CRB2: variants seen among roughly 807,000 people sequenced by gnomAD.
CRB2 encodes protein crumbs homolog 2.
CRB2 carries 85 observed loss-of-function variants against 110.9 expected under a neutral mutation model. The observed-to-expected ratio is 0.77, with a 90% confidence interval of 0.64 to 0.92. CRB2 has a LOEUF of 0.92. Among genes scored for constraint, CRB2 ranks in the 40% least tolerant of loss-of-function variants. The pLI, the probability that CRB2 is intolerant of heterozygous loss-of-function variation, is 0.00. For missense variants in CRB2, 1,843 were observed against 1,851.3 expected (o/e 1.00, Z 0.08); for synonymous variants, 907 against 831.0 (o/e 1.09, Z -1.57).
intron 6 of CRB2, chr9:123,368,849 C>T: frequency 7.9e-7 from 1 of 1,257,960 alleles, no homozygotes; most frequent in Non-Finnish European, 1.0e-6. Flanking sequence ...ACTTCCCCAG[C>T]CTCAGTGCCC....
chr9:123,370,218 G>T lies in CRB2; in HGVS notation c.1165G>T (p.Gly389Cys). Reference sequence around the variant, plus strand: ...TATCTGCAGGTGCCCAGAGACCTGGGGTGGGCGCGACTGTTCTGTGCAGCT... The same window carrying T: ...TATCTGCAGGTGCCCAGAGACCTGGTGTGGGCGCGACTGTTCTGTGCAGCT... ...GYICRCPETW[G>C]GRDCSVQLTG... The change falls in exon 7 of 13, where the codon GGT becomes TGT. Residue 389 changes from glycine (G) to cysteine (C), a missense_variant. Gly to Cys is a radical substitution (Grantham distance 159, BLOSUM62 -3). Coordinates refer to ENST00000373631, the MANE Select transcript of CRB2 (RefSeq NM_173689.7). 1.2e-6 allele frequency: 2 copies of T among 1,613,156 alleles called. No homozygotes were observed. The highest frequency in any genetic ancestry group is 1.7e-6 in the Non-Finnish European group (2 of 1,179,982).
At chr9:123,364,013 C>T (rs2132748541) in intron 2 of CRB2, among the ~76,000 whole-genome samples, 1 of 152,294 alleles carries the variant, frequency 6.6e-6, no homozygotes, top group Non-Finnish European at 1.5e-5. Context: ...GACAACTGTA[C>T]TCTGAGGGCA....
chr9:123,361,535 G>T (rs1186436153), intron 1 of CRB2, among the ~76,000 whole-genome samples: 3 of 151,132 alleles, frequency 2.0e-5, no homozygotes, highest in Non-Finnish European at 2.9e-5. Flanking sequence ...TGCAGGGTCT[G>T]AGCTGTTCTG....
chr9:123,366,166 G>A, intron 3 of CRB2, 54 bp downstream of exon 3: 1 of 1,378,680 alleles, frequency 7.3e-7, no homozygotes, highest in Non-Finnish European at 9.3e-7. Flanking sequence ...AGGGCGGGGA[G>A]GCCAGGCGCG....
At position 123,377,366 on chromosome 9, in the gene CRB2, G is replaced by A. The variant is rs941164971; in HGVS notation, c.*304G>A. 1 of 347,996 alleles carries A rather than the reference G, an allele frequency of 2.9e-6. No homozygotes were observed. The highest frequency in any genetic ancestry group is 6.8e-5 in the South Asian group (1 of 14,754). The allele number at this position is 347,996 out of a possible 1,614,324, so 21.6% of individuals were successfully genotyped here. A position where few individuals can be genotyped will look rare whatever the true frequency, so the allele number is the denominator to read the frequency against. Reference sequence around the variant, plus strand: ...TGTTCAGGAGTGTGTGTATCTGGAGGAGTGTGTGTGTGAGTGTGTACCTGG... The same window carrying A: ...TGTTCAGGAGTGTGTGTATCTGGAGAAGTGTGTGTGTGAGTGTGTACCTGG... On this transcript the variant is annotated 3_prime_UTR_variant, in exon 13 of 13. Transcript: ENST00000373631.
chr9:123,370,181 T>C lies in CRB2; in HGVS notation c.1128T>C (p.Thr376=), dbSNP rs777045044. The C allele has an allele frequency of 2.4e-5, 39 of 1,612,232 alleles. No individual in the cohort carries two copies. Among genetic ancestry groups the C allele is most frequent in the Admixed American group, 1.3e-4 (8 of 59,986 alleles). Residue 376 remains threonine (T), a synonymous_variant, in exon 7 of 13, where the codon ACT becomes ACC. Coordinates refer to ENST00000373631, the MANE Select transcript of CRB2 (RefSeq NM_173689.7). The part of the protein sequence containing the change: ...PCLHGGTCSD[T]VAGYICRCPE... ...TGCACGGCGGAACCTGCAGTGACACTGTGGCAGGCTATATCTGCAGGTGCC... is the reference window on the plus strand; with the variant it reads ...TGCACGGCGGAACCTGCAGTGACACCGTGGCAGGCTATATCTGCAGGTGCC...
intron 1 of CRB2, among the ~76,000 whole-genome samples, chr9:123,359,037 A>C (rs1426003224): frequency 6.6e-6 from 1 of 152,158 alleles, no homozygotes; most frequent in African/African-American, 2.4e-5. Context: ...CTCTGAGCCC[A>C]AACTCTCAAG....
intron 1 of CRB2, among the ~76,000 whole-genome samples, chr9:123,359,003 AG>A (rs976032450): frequency 9.2e-5 from 14 of 152,178 alleles, no homozygotes; most frequent in Non-Finnish European, 1.5e-4. Flanking sequence ...CCCTCACTTC[AG>A]GAGGTAACTC....
rs762397537 is a variant in CRB2 at position 123,373,192 on chromosome 9, G to GC, written c.2661_2662insC (p.Ser888LeufsTer105). 3.3e-5 allele frequency: 50 copies of GC among 1,514,142 alleles called. No homozygotes were observed. The highest frequency in any genetic ancestry group is 2.9e-5 in the African/African-American group (2 of 69,796). 93.8% of individuals were successfully genotyped at this position (1,514,142 alleles called of 1,614,324 possible). On this transcript the variant is annotated frameshift_variant, in exon 10 of 13. Coordinates refer to ENST00000373631, the MANE Select transcript of CRB2 (RefSeq NM_173689.7). LOFTEE classifies it high-confidence loss of function. The stretch of plus-strand genomic sequence containing the variant: ...CCGCCGCGTTCAGCGGGCACAACGC[G>GC]TCGTCAGGGCGCTTGCTCGGCGGCC...
chr9:123,374,114 G>A, intron 10 of CRB2, 194 bp downstream of exon 10: 4 of 846,432 alleles, frequency 4.7e-6, no homozygotes, highest in Non-Finnish European at 7.6e-6. Context: ...AGTTAGCCTG[G>A]AATTTCAGAT....
At chr9:123,359,445 T>TG (rs1337604187) in intron 1 of CRB2, among the ~76,000 whole-genome samples, 11 of 122,296 alleles carry the variant, frequency 9.0e-5, no homozygotes, top group African/African-American at 4.0e-4. Context: ...TGTTTTGTTT[T>TG]TTTTTTTTTT....
At chr9:123,368,700 C>T (rs2041970452) in intron 6 of CRB2, 2 of 968,060 alleles carry the variant, frequency 2.1e-6, no homozygotes, top group Non-Finnish European at 2.5e-6. Context: ...GAGGGGGGAC[C>T]CCAGCTGCAG....
chr9:123,375,934 A>G (rs187745588), intron 12 of CRB2, among the ~76,000 whole-genome samples: 1 of 152,116 alleles, frequency 6.6e-6, no homozygotes, highest in African/African-American at 2.4e-5. Context: ...TGGCGAGGAG[A>G]GGCTTGGAAG....
At position 123,373,326 on chromosome 9, in the gene CRB2, G is replaced by C. The variant is rs1430283410; in HGVS notation, c.2795G>C (p.Gly932Ala). 4 of 1,446,994 alleles carry C rather than the reference G, an allele frequency of 2.8e-6. No homozygotes were observed. In the African/African-American group the frequency reaches 4.5e-5, roughly 16 times the overall value. 89.6% of individuals were successfully genotyped at this position (1,446,994 alleles called of 1,614,324 possible). The change falls in exon 10 of 13, where the codon GGC (glycine) becomes GCC (alanine). Residue 932 changes from glycine (G) to alanine (A), a missense_variant. By Grantham distance (60) the Gly-to-Ala change is moderately conservative (BLOSUM62 0). Coordinates refer to ENST00000373631, the MANE Select transcript of CRB2 (RefSeq NM_173689.7). ...GTGCGCAATGGCTCGCTGGCGGGGG[G>C]CGTGCGCGGAGGCCATGGCCTGCCC... ...LAVRNGSLAGGVRGGHGLPGA... is the reference protein window; with the variant it reads ...LAVRNGSLAGAVRGGHGLPGA...
rs1408107720 is a variant in CRB2 at position 123,363,116 on chromosome 9, C to T, written c.346C>T (p.Pro116Ser). The T allele has an allele frequency of 6.2e-7, 1 of 1,610,900 alleles. No individual in the cohort carries two copies. The change falls in exon 2 of 13, where the codon CCG becomes TCG. Residue 116 changes from proline (P) to serine (S), a missense_variant. Pro to Ser is a moderately conservative substitution (Grantham distance 74). Transcript: ENST00000373631. ...ELDIDECASR[P>S]CHHGATCRNL... ...GGACATCGATGAGTGTGCATCCCGG[C>T]CGTGCCACCATGGGGCCACCTGCCG...
chr9:123,354,366 G>T (rs935594652), upstream of CRB2, among the ~76,000 whole-genome samples: 9 of 152,246 alleles, frequency 5.9e-5, no homozygotes, highest in African/African-American at 1.4e-4. Context: ...AGAACCAGAG[G>T]GTGGTGGTTG....
chr9:123,370,412 G>A lies in CRB2; in HGVS notation c.1359G>A (p.Val453=). Residue 453 remains valine, a synonymous_variant, in exon 7 of 13, where the codon GTG becomes GTA. Transcript: ENST00000373631. ...VMAGSPIQAS[V]PAGGPLGLAL... ...CTGGGAGCCCCATTCAGGCATCAGTGCCAGCTGGTGGCCCCCTGGGTCTGG... is the reference window on the plus strand; with the variant it reads ...CTGGGAGCCCCATTCAGGCATCAGTACCAGCTGGTGGCCCCCTGGGTCTGG... 6.2e-7 allele frequency: 1 copy of A among 1,613,634 alleles called. No homozygotes were observed.
At position 123,367,194 on chromosome 9, in the gene CRB2, G is replaced by A. The variant is rs1484545342; in HGVS notation, c.777G>A (p.Glu259=). ...CWPGYSGELC[E]VDEDECASSP... ...CAGGCTACAGCGGCGAGCTGTGCGA[G>A]GTGGACGAGGACGAGTGTGCATCGA... Residue 259 remains glutamate (E), a synonymous_variant, in exon 5 of 13, where the codon GAG becomes GAA. Transcript: ENST00000373631. The A allele has an allele frequency of 1.9e-6, 3 of 1,600,668 alleles. No homozygotes were observed. Among genetic ancestry groups the A allele is most frequent in the Non-Finnish European group, 2.5e-6 (3 of 1,177,952 alleles).
At chr9:123,366,432 C>T (rs886984069) in intron 4 of CRB2, 66 bp downstream of exon 4, 4 of 1,473,114 alleles carry the variant, frequency 2.7e-6, no homozygotes, top group East Asian at 5.6e-5. Flanking sequence ...CGGCCTGGGG[C>T]GGTGGGGCAG....
Sources: gnomAD v4.1 joint callset for allele counts (sites outside exome capture counted in the v4.1 genomes callset) on GRCh38, gnomAD v4.1.1 for gene constraint, MANE v1.5 for transcripts, NCBI Gene and HGNC (gene_info 2026-07-23, HGNC 2026-07-21) for gene names.